The following PLCB4 variants were observed in gnomAD, a reference collection of about 807,000 sequenced individuals.
PLCB4 encodes phospholipase C beta 4.
PLCB4 carries 77 observed loss-of-function variants against 178.8 expected under a neutral mutation model. That is an observed-to-expected ratio of 0.43 (90% CI 0.36 to 0.52). PLCB4 has a LOEUF of 0.52. PLCB4 is among the 20% of genes least tolerant of loss of function. The pLI is 0.00. For synonymous variants in PLCB4, 496 were observed against 490.8 expected (o/e 1.01, Z -0.14); for missense variants, 1,024 against 1,453.4 (o/e 0.70, Z 4.80).
intron 6 of PLCB4, among the ~76,000 whole-genome samples, chr20:9,338,322 G>A (rs1173425199): frequency 6.6e-6 from 1 of 152,040 alleles, no homozygotes; most frequent in Non-Finnish European, 1.5e-5. Flanking sequence ...CTATCCAATT[G>A]CCATATTCCA....
intron 2 of PLCB4, among the ~76,000 whole-genome samples, chr20:9,137,265 A>T (rs1277640721): frequency 1.3e-5 from 2 of 152,032 alleles, no homozygotes; most frequent in African/African-American, 4.8e-5. Flanking sequence ...TGGGACCCTG[A>T]CCGAGGTAAC....
intron 12 of PLCB4, among the ~76,000 whole-genome samples, chr20:9,377,117 G>A (rs1318786270): frequency 2.6e-5 from 4 of 152,110 alleles, no homozygotes; most frequent in African/African-American, 9.7e-5. Flanking sequence ...ATCTCTCCCA[G>A]TGCTACTTGG....
intron 25 of PLCB4, among the ~76,000 whole-genome samples, chr20:9,419,583 A>G (rs1047636241): frequency 1.3e-5 from 2 of 152,204 alleles, no homozygotes; most frequent in Non-Finnish European, 2.9e-5. Flanking sequence ...AAAAAGTTCC[A>G]GAGAAGATGA....
chr20:9,359,175 T>A (rs1195208793), intron 7 of PLCB4, among the ~76,000 whole-genome samples: 1 of 152,248 alleles, frequency 6.6e-6, no homozygotes, highest in Non-Finnish European at 1.5e-5. Flanking sequence ...GTTTGTATTT[T>A]CATGGGAAAG....
chr20:9,077,609 C>G (rs1273072588), intron 1 of PLCB4, among the ~76,000 whole-genome samples: 1 of 152,178 alleles, frequency 6.6e-6, no homozygotes, highest in Non-Finnish European at 1.5e-5. Flanking sequence ...TGTAAAAACT[C>G]TTTTAAGAAA....
chr20:9,431,645 TG>T (rs1568819783), intron 28 of PLCB4, among the ~76,000 whole-genome samples: 2 of 125,366 alleles, frequency 1.6e-5, no homozygotes, highest in Non-Finnish European at 3.3e-5. Flanking sequence ...TGTGTGTGTG[TG>T]TGTTTGTGTG....
At chr20:9,340,984 A>G (rs1473738401) in intron 7 of PLCB4, among the ~76,000 whole-genome samples, 2 of 152,090 alleles carry the variant, frequency 1.3e-5, no homozygotes, top group Admixed American at 6.6e-5. Flanking sequence ...CATTTTTCAG[A>G]TGAGAAAAAT....
chr20:9,203,245 C>T (rs1202204016), intron 2 of PLCB4, among the ~76,000 whole-genome samples: 1 of 151,818 alleles, frequency 6.6e-6, no homozygotes, highest in African/African-American at 2.4e-5. Flanking sequence ...TCCTTGAGGT[C>T]ATGAATCTCT....
At chr20:9,242,790 A>G (rs1050583826) in intron 3 of PLCB4, among the ~76,000 whole-genome samples, 5 of 152,154 alleles carry the variant, frequency 3.3e-5, no homozygotes, top group Non-Finnish European at 5.9e-5. Context: ...AGAAATGCAG[A>G]TTCTCAGGCT....
intron 2 of PLCB4, among the ~76,000 whole-genome samples, chr20:9,172,512 CTG>C (rs1336571181): frequency 6.6e-6 from 1 of 151,886 alleles, no homozygotes; most frequent in Non-Finnish European, 1.5e-5. Context: ...TAGATAAAGA[CTG>C]TTAATTACTC....
Position 9,338,994 on chromosome 20 carries a change from T to C in PLCB4, c.326T>C (p.Ile109Thr). 1 of 1,613,314 alleles carries C rather than the reference T, an allele frequency of 6.2e-7. No homozygotes were observed. ...TGCAGTGGCACAGATCTAGTGAACA[T>C]TAGTTTTACCTACATGGTGGCTGAA... ...CVCSGTDLVNISFTYMVAENP... is the reference protein window; with the variant it reads ...CVCSGTDLVNTSFTYMVAENP... The change falls in exon 7 of 40, where the codon ATT becomes ACT. Residue 109 changes from isoleucine to threonine, a missense_variant. Ile to Thr is a moderately conservative substitution (Grantham distance 89). Coordinates refer to ENST00000378473, the MANE Select transcript of PLCB4 (RefSeq NM_001377142.1).
chr20:9,174,762 A>G (rs567633753), intron 2 of PLCB4, among the ~76,000 whole-genome samples: 1 of 152,270 alleles, frequency 6.6e-6, no homozygotes, highest in African/African-American at 2.4e-5. Context: ...TTTTGAACTT[A>G]TGACTGTCAT....
At chr20:9,158,649 A>C in intron 2 of PLCB4, among the ~76,000 whole-genome samples, 1 of 152,062 alleles carries the variant, frequency 6.6e-6, no homozygotes, top group Admixed American at 6.5e-5. Flanking sequence ...TAAATGGAAA[A>C]CTATTATGTG....
intron 3 of PLCB4, among the ~76,000 whole-genome samples, chr20:9,294,839 A>G (rs1258921945): frequency 6.6e-6 from 1 of 152,106 alleles, no homozygotes; most frequent in Non-Finnish European, 1.5e-5. Flanking sequence ...CTGTCGGGGT[A>G]CCATACTTTA....
At chr20:9,385,587 G>T (rs1266590916) in intron 14 of PLCB4, among the ~76,000 whole-genome samples, 5 of 149,464 alleles carry the variant, frequency 3.3e-5, no homozygotes, top group Admixed American at 6.6e-5. Flanking sequence ...CAGACGGGGC[G>T]GCTGGCAGAG....
At chr20:9,356,240 G>A (rs1175145528) in intron 7 of PLCB4, among the ~76,000 whole-genome samples, 1 of 151,954 alleles carries the variant, frequency 6.6e-6, no homozygotes, top group Non-Finnish European at 1.5e-5. Context: ...CCATTTTGTA[G>A]GTTGCCTGTT....
At chr20:9,296,553 G>A (rs985090733) in intron 3 of PLCB4, among the ~76,000 whole-genome samples, 1 of 152,114 alleles carries the variant, frequency 6.6e-6, no homozygotes, top group South Asian at 2.1e-4. Flanking sequence ...AAAGACACAT[G>A]CACACGTATG....
At chr20:9,474,308 G>A (rs1423477659) in intron 38 of PLCB4, among the ~76,000 whole-genome samples, 1 of 152,062 alleles carries the variant, frequency 6.6e-6, no homozygotes, top group African/African-American at 2.4e-5. Flanking sequence ...TTTATCTGGT[G>A]CATAGTACAG....
At chr20:9,232,949 T>G (rs549011957) in intron 3 of PLCB4, among the ~76,000 whole-genome samples, 1 of 152,250 alleles carries the variant, frequency 6.6e-6, no homozygotes, top group South Asian at 2.1e-4. Context: ...TTGATGTAAC[T>G]TAGGAAGAGA....
Sources: gnomAD v4.1 joint callset for allele counts (sites outside exome capture counted in the v4.1 genomes callset) on GRCh38, gnomAD v4.1.1 for gene constraint, MANE v1.5 for transcripts, NCBI Gene and HGNC (gene_info 2026-07-23, HGNC 2026-07-21) for gene names.